The following GRID1 variants were observed in gnomAD, a reference collection of about 807,000 sequenced individuals.
GRID1 encodes the protein glutamate ionotropic receptor delta type subunit 1.
GRID1 carries 28 observed loss-of-function variants against 98.0 expected under a neutral mutation model. The observed-to-expected ratio is 0.29, with a 90% confidence interval of 0.21 to 0.39. The LOEUF is 0.39. GRID1 is among the 10% of genes least tolerant of loss of function. The probability of loss-of-function intolerance (pLI) is 1.00; values close to 1 mark genes in which losing one functional copy is unlikely to be tolerated. For missense variants in GRID1, 1,111 were observed against 1,340.5 expected, an observed-to-expected ratio of 0.83 and a Z score of 2.67; for synonymous variants, 553 against 538.5, an observed-to-expected ratio of 1.03 and a Z score of -0.37.
Position 86,187,331 on chromosome 10 carries a change from G to T in GRID1, c.520+19033C>A, listed in dbSNP as rs576598533. On this transcript the variant is annotated intron_variant, in intron 3 of 15. Transcript: ENST00000327946. The stretch of plus-strand genomic sequence containing the variant: ...CCAGCTCTCTATACCTTACAAGAAG[G>T]CTATGATGTAGACGCCTACAGGCAA... Among the ~76,000 whole-genome samples the T allele has an allele frequency of 5.2e-4, 79 of 152,250 alleles. 1 individual carries two copies. Among genetic ancestry groups the T allele is most frequent in the Middle Eastern group, 6.8e-3 (2 of 294 alleles).
At chr10:86,359,660 T>C (rs1418418093) in intron 2 of GRID1, among the ~76,000 whole-genome samples, 1 of 152,250 alleles carries the variant, frequency 6.6e-6, no homozygotes, top group Non-Finnish European at 1.5e-5. Context: ...GACAGGTATA[T>C]CTACAGCATA....
chr10:85,950,586 A>C (rs1842107635), intron 4 of GRID1, among the ~76,000 whole-genome samples: 1 of 152,192 alleles, frequency 6.6e-6, no homozygotes, highest in Non-Finnish European at 1.5e-5. Context: ...AACATCTCAA[A>C]AGGCCTGTAA....
At chr10:85,647,077 T>C (rs1843202918) in intron 13 of GRID1, 125 bp downstream of exon 13, 2 of 738,854 alleles carry the variant, frequency 2.7e-6, no homozygotes, top group South Asian at 1.6e-5. Context: ...ACGTGTGCGA[T>C]GGATCGCCTT....
intron 4 of GRID1, among the ~76,000 whole-genome samples, chr10:86,126,782 G>C (rs1308855938): frequency 6.6e-6 from 1 of 152,208 alleles, no homozygotes; most frequent in Non-Finnish European, 1.5e-5. Context: ...ACAAGAAATA[G>C]TGACCACACC....
intron 4 of GRID1, among the ~76,000 whole-genome samples, chr10:86,022,332 A>C (rs1289377188): frequency 6.6e-6 from 1 of 152,162 alleles, no homozygotes; most frequent in African/African-American, 2.4e-5. Context: ...TCAATTCCAT[A>C]TTATTAAAAT....
At chr10:85,695,052 C>G (rs1346712976) in intron 12 of GRID1, among the ~76,000 whole-genome samples, 1 of 151,918 alleles carries the variant, frequency 6.6e-6, no homozygotes, top group African/African-American at 2.4e-5. Flanking sequence ...TTTCTGTAAA[C>G]CTAAAACTGT....
At chr10:86,110,005 C>T (rs560494093) in intron 4 of GRID1, among the ~76,000 whole-genome samples, 3 of 148,730 alleles carry the variant, frequency 2.0e-5, no homozygotes, top group African/African-American at 7.5e-5. Context: ...GGGAGTCTCA[C>T]TCTGTCACCC....
intron 2 of GRID1, among the ~76,000 whole-genome samples, chr10:86,266,486 T>A (rs1224537921): frequency 1.3e-5 from 2 of 152,232 alleles, no homozygotes; most frequent in Admixed American, 1.3e-4. Context: ...TCCCCAGCCC[T>A]GCCCTAATCT....
At chr10:86,053,167 T>C (rs2131907237) in intron 4 of GRID1, among the ~76,000 whole-genome samples, 1 of 152,324 alleles carries the variant, frequency 6.6e-6, no homozygotes. Context: ...AATGGGGTAA[T>C]GGATGACTTT....
At chr10:86,214,919 A>G (rs1214286038) in intron 2 of GRID1, among the ~76,000 whole-genome samples, 4 of 152,222 alleles carry the variant, frequency 2.6e-5, no homozygotes, top group Non-Finnish European at 4.4e-5. Flanking sequence ...GCACAACTGG[A>G]GTCCAGATTT....
intron 12 of GRID1, among the ~76,000 whole-genome samples, chr10:85,706,008 C>T (rs1487692401): frequency 6.6e-6 from 1 of 152,186 alleles, no homozygotes; most frequent in Non-Finnish European, 1.5e-5. Flanking sequence ...CAATATCATA[C>T]TGAATGGGCA....
intron 2 of GRID1, among the ~76,000 whole-genome samples, chr10:86,218,969 G>A (rs1846213408): frequency 6.6e-6 from 1 of 152,136 alleles, no homozygotes; most frequent in South Asian, 2.1e-4. Context: ...ACCCACTATC[G>A]ACAGCACAGC....
chr10:86,135,033 G>T (rs1029966296), intron 4 of GRID1, among the ~76,000 whole-genome samples: 2 of 152,246 alleles, frequency 1.3e-5, no homozygotes, highest in Non-Finnish European at 2.9e-5. Flanking sequence ...GAAGAGCCAT[G>T]AGCAGAAGAG....
chr10:86,196,872 C>T (rs1310848596), intron 3 of GRID1, among the ~76,000 whole-genome samples: 2 of 151,748 alleles, frequency 1.3e-5, no homozygotes, highest in Non-Finnish European at 2.9e-5. Context: ...GCATATATTA[C>T]TGCTGTAATT....
At chr10:86,228,746 T>C (rs1846399464) in intron 2 of GRID1, among the ~76,000 whole-genome samples, 1 of 150,916 alleles carries the variant, frequency 6.6e-6, no homozygotes, top group Admixed American at 6.6e-5. Context: ...CACACACACA[T>C]TCAGGGAGCT....
intron 5 of GRID1, among the ~76,000 whole-genome samples, chr10:85,875,782 T>C (rs1843323253): frequency 6.6e-6 from 1 of 152,242 alleles, no homozygotes; most frequent in Non-Finnish European, 1.5e-5. Flanking sequence ...AGTATTTTAA[T>C]TCAATCTTTC....
At chr10:85,905,853 A>T (rs547381933) in intron 5 of GRID1, among the ~76,000 whole-genome samples, 1 of 152,252 alleles carries the variant, frequency 6.6e-6, no homozygotes, top group African/African-American at 2.4e-5. Context: ...GAATCAAAGG[A>T]AATGAAACAA....
intron 13 of GRID1, among the ~76,000 whole-genome samples, chr10:85,637,651 CCT>C (rs1301323122): frequency 6.6e-6 from 1 of 152,184 alleles, no homozygotes; most frequent in Non-Finnish European, 1.5e-5. Context: ...CTTTTTCCTG[CCT>C]CTCTAATTTC....
chr10:85,730,623 G>T (rs1477632984), intron 8 of GRID1, among the ~76,000 whole-genome samples: 1 of 152,166 alleles, frequency 6.6e-6, no homozygotes, highest in African/African-American at 2.4e-5. Flanking sequence ...GAAGTGTACT[G>T]AAAGTTGGGC....
Sources: allele counts gnomAD v4.1 joint callset (sites outside exome capture counted in the v4.1 genomes callset), GRCh38; gene constraint gnomAD v4.1.1; transcripts MANE v1.5; gene names NCBI Gene and HGNC (gene_info 2026-07-23, HGNC 2026-07-21).